TENM3: variants seen among roughly 807,000 people sequenced by gnomAD.
TENM3 encodes the protein teneurin-3.
In TENM3, 63 loss-of-function variants were observed where a neutral mutation model predicts 255.1. The observed-to-expected ratio is 0.25, with a 90% confidence interval of 0.20 to 0.30. The LOEUF (loss-of-function observed/expected upper bound fraction) is 0.30, where lower values mean the gene tolerates loss of function less well. Among genes scored for constraint, TENM3 ranks in the 10% least tolerant of loss-of-function variants. TENM3 has a pLI of 1.00. For synonymous variants in TENM3, 1,306 were observed against 1,322.3 expected (o/e 0.99, Z 0.27); for missense variants, 2,929 against 3,461.1 (o/e 0.85, Z 3.86).
chr4:182,039,096 C>T, the TENM3 span, among the ~76,000 whole-genome samples: 1 of 152,140 alleles, frequency 6.6e-6, no homozygotes, highest in Non-Finnish European at 1.5e-5. Flanking sequence ...TAGAACACTG[C>T]CTCAAAAATC....
intron 1 of TENM3, among the ~76,000 whole-genome samples, chr4:182,272,960 G>A (rs970782195): frequency 1.3e-5 from 2 of 152,136 alleles, no homozygotes; most frequent in African/African-American, 4.8e-5. Flanking sequence ...GTTTTAAACT[G>A]GGGAGTGACA....
the TENM3 span, among the ~76,000 whole-genome samples, chr4:181,727,882 T>C: frequency 6.6e-6 from 1 of 152,336 alleles, no homozygotes; most frequent in African/African-American, 2.4e-5. Flanking sequence ...CTAATGTTAC[T>C]TTCAGAAGCA....
chr4:182,663,537 A>G (rs11132143), intron 6 of TENM3, among the ~76,000 whole-genome samples: 134,460 of 152,240 alleles, frequency 0.88, 59,498 homozygotes, highest in East Asian at 0.96. Context: ...ACCTCTCTGA[A>G]ATGAATGGGA....
At chr4:181,783,513 T>C in the TENM3 span, among the ~76,000 whole-genome samples, 1 of 152,190 alleles carries the variant, frequency 6.6e-6, no homozygotes, top group Admixed American at 6.5e-5. Context: ...TTCAAGGCTA[T>C]TAGCACATAG....
chr4:182,583,541 AGTTT>A (rs1443646850), intron 3 of TENM3, among the ~76,000 whole-genome samples: 4 of 152,106 alleles, frequency 2.6e-5, no homozygotes, highest in East Asian at 3.9e-4. Context: ...TAAATATGTT[AGTTT>A]GTGTTCAAAG....
chr4:182,467,470 A>G (rs17321642), intron 3 of TENM3, among the ~76,000 whole-genome samples: 37,139 of 152,148 alleles, frequency 0.24, 4,715 homozygotes, highest in Non-Finnish European at 0.28. Context: ...TTTATCTGTA[A>G]GAATGAAGGG....
intron 6 of TENM3, among the ~76,000 whole-genome samples, chr4:182,654,190 CA>C (rs1753562420): frequency 6.6e-6 from 1 of 152,092 alleles, no homozygotes; most frequent in Admixed American, 6.5e-5. Context: ...GATTATAATT[CA>C]GTGTATCATC....
chr4:182,389,262 TG>T (rs1768234084), intron 3 of TENM3, among the ~76,000 whole-genome samples: 1 of 152,112 alleles, frequency 6.6e-6, no homozygotes, highest in African/African-American at 2.4e-5. Flanking sequence ...TCCCACCAGC[TG>T]CCCTTTCCAC....
the TENM3 span, among the ~76,000 whole-genome samples, chr4:181,768,708 A>G: frequency 0.29 from 44,705 of 152,010 alleles, 8,093 homozygotes; most frequent in Non-Finnish European, 0.41. Flanking sequence ...TTATTATTAT[A>G]TTGGCTACAT....
At chr4:182,417,807 C>T (rs1404571264) in intron 3 of TENM3, among the ~76,000 whole-genome samples, 2 of 152,046 alleles carry the variant, frequency 1.3e-5, no homozygotes, top group African/African-American at 4.8e-5. Flanking sequence ...AGGAAGAGCC[C>T]ATCATTTTGC....
At position 182,603,784 on chromosome 4, in the gene TENM3, T is replaced by TATATATATATATATATACAC. The variant is rs58332965; in HGVS notation, c.749+2624_749+2625insTATATATATATATATACACA. 2.7e-3 allele frequency among the ~76,000 whole-genome samples: 361 copies of TATATATATATATATATACAC among 134,104 alleles called. 4 individuals carry two copies. Among genetic ancestry groups the TATATATATATATATATACAC allele is most frequent in the African/African-American group, 9.6e-3 (350 of 36,366 alleles). The allele number at this position is 134,104 out of a possible 152,430, so 88.0% of individuals were successfully genotyped here. A position where few individuals can be genotyped will look rare whatever the true frequency, so the allele number is the denominator to read the frequency against. On this transcript the variant is annotated intron_variant, in intron 4 of 27. Transcript: ENST00000511685. ...AATTATTTATATATATATATATATATACACACACACACCGATTTTGCTAAT... is the reference window on the plus strand; with the variant it reads ...AATTATTTATATATATATATATATATATATATATATATATATACACACACACACACACCGATTTTGCTAAT...
chr4:182,253,194 G>A (rs769802601), intron 1 of TENM3, among the ~76,000 whole-genome samples: 18 of 152,136 alleles, frequency 1.2e-4, no homozygotes, highest in African/African-American at 1.9e-4. Flanking sequence ...CCAAGAGGCC[G>A]GGTGTGGTGG....
At chr4:182,169,140 A>C (rs2149684771) in intron 1 of TENM3, among the ~76,000 whole-genome samples, 1 of 151,822 alleles carries the variant, frequency 6.6e-6, no homozygotes, top group East Asian at 1.9e-4. Flanking sequence ...TAAGATCTGT[A>C]CATTTGACCA....
At chr4:181,456,495 G>C in the TENM3 span, among the ~76,000 whole-genome samples, 2 of 151,844 alleles carry the variant, frequency 1.3e-5, no homozygotes, top group African/African-American at 4.8e-5. Flanking sequence ...ACTTTATTTT[G>C]ATAGCTTTTA....
intron 3 of TENM3, among the ~76,000 whole-genome samples, chr4:182,360,336 T>C (rs1048027067): frequency 1.1e-4 from 14 of 131,764 alleles, no homozygotes; most frequent in East Asian, 2.1e-4. Context: ...AAGTCTCCCA[T>C]TATTAATGTG....
the TENM3 span, among the ~76,000 whole-genome samples, chr4:181,579,936 TTTATTTTATTTTATTTTATTTTA>T: frequency 5.6e-4 from 2 of 3,572 alleles, no homozygotes; most frequent in Non-Finnish European, 1.6e-3. Flanking sequence ...TACCTACAAT[TTTATTTTATTTTATTTTATTTTA>T]TTTTATTTTA....
intron 3 of TENM3, among the ~76,000 whole-genome samples, chr4:182,409,832 T>C (rs1299304003): frequency 6.6e-6 from 1 of 151,964 alleles, no homozygotes; most frequent in African/African-American, 2.4e-5. Flanking sequence ...TTTTTTCTTT[T>C]TTTTTTTTAT....
the TENM3 span, among the ~76,000 whole-genome samples, chr4:181,596,840 CA>C: frequency 1.5e-4 from 23 of 152,146 alleles, no homozygotes; most frequent in African/African-American, 5.5e-4. Flanking sequence ...AACAGAAAAC[CA>C]AATACCACAT....
chr4:181,505,807 T>C, the TENM3 span, among the ~76,000 whole-genome samples: 69 of 152,166 alleles, frequency 4.5e-4, no homozygotes, highest in African/African-American at 1.6e-3. Context: ...TTTTAGTAAA[T>C]TTCTATATTT....
Sources: gnomAD v4.1 joint callset for allele counts (sites outside exome capture counted in the v4.1 genomes callset) on GRCh38, gnomAD v4.1.1 for gene constraint, MANE v1.5 for transcripts, NCBI Gene and HGNC (gene_info 2026-07-23, HGNC 2026-07-21) for gene names.